PALB2: variants seen among roughly 807,000 people sequenced by gnomAD.
The protein encoded by PALB2 is mutant partner and localizer of BRCA2.
In PALB2, 82 loss-of-function variants were observed where a neutral mutation model predicts 107.4. The observed-to-expected ratio is 0.76, with a 90% CI of 0.64 to 0.92. PALB2 has a LOEUF of 0.92. PALB2 is among the 40% of genes least tolerant of loss of function. The pLI, the probability that PALB2 is intolerant of heterozygous loss-of-function variation, is 0.00. For synonymous variants in PALB2, 489 were observed against 496.8 expected (o/e 0.98, Z 0.21); for missense variants, 1,374 against 1,379.9 (o/e 1.00, Z 0.07).
intron 10 of PALB2, among the ~76,000 whole-genome samples, chr16:23,619,682 A>G (rs1457528157): frequency 6.6e-6 from 1 of 152,184 alleles, no homozygotes; most frequent in African/African-American, 2.4e-5. Flanking sequence ...CTTTTTAAAA[A>G]TATTTTTTAA....
In PALB2 at chr16:23,630,411, T is replaced by C. The variant is rs180177105; in HGVS notation, c.1743A>G (p.Leu581=). 8.7e-6 allele frequency: 14 copies of C among 1,614,112 alleles called. No homozygotes were observed. The highest frequency in any genetic ancestry group is 7.7e-5 in the South Asian group (7 of 91,082). ...CCGTGAAAGCATCATCATCCAAGGATAAATAAGCACTATTACTCCAAGAAA... is the reference window on the plus strand; with the variant it reads ...CCGTGAAAGCATCATCATCCAAGGACAAATAAGCACTATTACTCCAAGAAA... The part of the protein sequence containing the change: ...DSLSWSNSAY[L]SLDDDAFTAP... Residue 581 remains leucine, a synonymous_variant, in exon 5 of 13, where the codon TTA becomes TTG. Coordinates refer to ENST00000261584, the MANE Select transcript of PALB2 (RefSeq NM_024675.4).
intron 10 of PALB2, chr16:23,617,741 C>T (rs1227116760): frequency 6.6e-6 from 1 of 151,846 alleles, no homozygotes; most frequent in Non-Finnish European, 1.5e-5. Flanking sequence ...GAGACCCTCT[C>T]TCAAAAAAGC....
intron 9 of PALB2, among the ~76,000 whole-genome samples, chr16:23,621,768 T>C (rs1355243865): frequency 6.6e-6 from 1 of 152,188 alleles, no homozygotes; most frequent in East Asian, 1.9e-4. Context: ...ATGAATTGCA[T>C]CACCATCTAA....
intron 11 of PALB2, among the ~76,000 whole-genome samples, chr16:23,611,096 C>CG (rs1488593235): frequency 6.7e-6 from 1 of 150,310 alleles, no homozygotes; most frequent in Non-Finnish European, 1.5e-5. Context: ...ATCTATCTAT[C>CG]TATCTATCTA....
chr16:23,619,072 A>T (rs1966729837), intron 10 of PALB2, among the ~76,000 whole-genome samples: 2 of 152,296 alleles, frequency 1.3e-5, no homozygotes, highest in South Asian at 4.1e-4. Flanking sequence ...AAACAAAAAA[A>T]GGTTAGGGTT....
chr16:23,621,317 T>TC, intron 10 of PALB2, 45 bp downstream of exon 10: 1 of 1,236,116 alleles, frequency 8.1e-7, no homozygotes, highest in South Asian at 1.2e-5. Flanking sequence ...AGGTATATCC[T>TC]CATACTACAG....
chr16:23,622,875 G>GA, intron 9 of PALB2, 94 bp downstream of exon 9: 1 of 1,450,646 alleles, frequency 6.9e-7, no homozygotes, highest in East Asian at 2.3e-5. Context: ...CCCCAGCACA[G>GA]AAAAACGAGA....
rs515726088 is a variant in PALB2 at position 23,629,637 on chromosome 16, T to C, written c.2514+3A>G. 2.5e-6 allele frequency: 4 copies of C among 1,613,404 alleles called. No homozygotes were observed. In the Admixed American group the frequency reaches 5.0e-5, roughly 20 times the overall value. On this transcript the variant is annotated splice_donor_region_variant and intron_variant, in intron 5 of 12. Transcript: ENST00000261584. ...AAAATTTCACAGAGGAAATGGATTG[T>C]ACCTGTTCGACGGAATGTTTATGCA...
intron 3 of PALB2, 63 bp from the exon 4 acceptor site, chr16:23,636,397 A>C: frequency 9.2e-7 from 1 of 1,091,650 alleles, no homozygotes; most frequent in Non-Finnish European, 1.3e-6. Context: ...AAAAATACTC[A>C]TTTTTAACCT....
Position 23,624,011 on chromosome 16 carries a change from G to C in PALB2, c.2832C>G (p.Ile944Met), listed in dbSNP as rs1555459704. Residue 944 changes from isoleucine (I) to methionine (M), a missense_variant and splice_region_variant, in exon 8 of 13, where the codon ATC (isoleucine) becomes ATG (methionine). By Grantham distance (10) the Ile-to-Met change is conservative. Transcript: ENST00000261584. ...ATCACTCCTTGGGAATTACATACCT[G>C]ATCTCTCTGATTTCCAAATTTCCCA... ...VALGNLEIRE[I>M]RALFCSSDDE... 6.3e-7 allele frequency: 1 copy of C among 1,576,736 alleles called. No individual in the cohort carries two copies. The highest frequency in any genetic ancestry group is 1.7e-5 in the Admixed American group (1 of 59,922).
At chr16:23,604,766 CA>C (rs879480532) in intron 12 of PALB2, among the ~76,000 whole-genome samples, 17 of 131,054 alleles carry the variant, frequency 1.3e-4, no homozygotes, top group South Asian at 4.8e-4. Flanking sequence ...ACCCTGTCTC[CA>C]AAAAAAAAAA....
chr16:23,624,831 G>A (rs957971946), intron 7 of PALB2, among the ~76,000 whole-genome samples: 2 of 152,102 alleles, frequency 1.3e-5, no homozygotes, highest in African/African-American at 4.8e-5. Flanking sequence ...TTATATGTAT[G>A]GTGAGAAAAG....
intron 11 of PALB2, among the ~76,000 whole-genome samples, chr16:23,610,793 T>C (rs941311310): frequency 2.0e-5 from 3 of 151,870 alleles, no homozygotes; most frequent in African/African-American, 7.2e-5. Context: ...ATCCCAGCAT[T>C]TTGGGAGCGT....
Position 23,636,633 on chromosome 16 carries a change from G to T in PALB2, c.212-299C>A, listed in dbSNP as rs146644149. 6.7e-3 allele frequency among the ~76,000 whole-genome samples: 1,025 copies of T among 152,192 alleles called. 15 individuals carry two copies. The highest frequency in any genetic ancestry group is 0.023 in the African/African-American group (950 of 41,530). ...TACTGTACATATTTTTAAAAGTTCTGATTTTTTAAATTCTAATAATCTATG... is the reference window on the plus strand; with the variant it reads ...TACTGTACATATTTTTAAAAGTTCTTATTTTTTAAATTCTAATAATCTATG... On this transcript the variant is annotated intron_variant, in intron 3 of 12. Transcript: ENST00000261584.
chr16:23,618,530 G>A (rs1478528321), intron 10 of PALB2, among the ~76,000 whole-genome samples: 1 of 152,070 alleles, frequency 6.6e-6, no homozygotes, highest in Non-Finnish European at 1.5e-5. Flanking sequence ...TTTCTTTTGA[G>A]GGATGAGGGT....
Position 23,626,227 on chromosome 16 carries a change from C to A in PALB2, c.2748+9G>T. The A allele has an allele frequency of 6.2e-7, 1 of 1,614,166 alleles. No homozygotes were observed. The highest frequency in any genetic ancestry group is 8.5e-7 in the Non-Finnish European group (1 of 1,180,026). ...CAAAGATCTCTTTCAGCTCGAGATT[C>A]CCACTTACCTCTGCGAAGTGCCAGG... is the stretch of plus-strand genomic sequence containing the variant. On this transcript the variant is annotated intron_variant, in intron 7 of 12. Coordinates refer to ENST00000261584, the MANE Select transcript of PALB2 (RefSeq NM_024675.4).
intron 12 of PALB2, among the ~76,000 whole-genome samples, chr16:23,605,438 T>C (rs1177450767): frequency 6.6e-6 from 1 of 152,178 alleles, no homozygotes; most frequent in Admixed American, 6.6e-5. Context: ...AGACAGAGCC[T>C]TGCTCTGTCA....
At chr16:23,619,512 C>G (rs1334887405) in intron 10 of PALB2, among the ~76,000 whole-genome samples, 1 of 150,994 alleles carries the variant, frequency 6.6e-6, no homozygotes, top group African/African-American at 2.4e-5. Flanking sequence ...TTAGTAGAGA[C>G]GAGGTATCTT....
At chr16:23,619,526 T>C (rs1228106131) in intron 10 of PALB2, among the ~76,000 whole-genome samples, 2 of 151,808 alleles carry the variant, frequency 1.3e-5, no homozygotes, top group East Asian at 3.9e-4. Flanking sequence ...GTATCTTTAG[T>C]AGAGATGGGG....
Sources: allele counts gnomAD v4.1 joint callset (sites outside exome capture counted in the v4.1 genomes callset), GRCh38; gene constraint gnomAD v4.1.1; transcripts MANE v1.5; gene names NCBI Gene and HGNC (gene_info 2026-07-23, HGNC 2026-07-21).